Variants in LGSN observed in about 807,000 individuals in gnomAD.
The protein encoded by LGSN is lengsin.
In LGSN, 21 loss-of-function variants were observed where a neutral mutation model predicts 19.5. That is an observed-to-expected ratio of 1.07 (90% CI 0.76 to 1.55). The LOEUF (loss-of-function observed/expected upper bound fraction) is 1.55, where lower values mean the gene tolerates loss of function less well. Ranked by LOEUF, LGSN falls within the 40% of genes most tolerant of loss-of-function variation. LGSN has a pLI of 0.00. For synonymous variants in LGSN, 257 were observed against 215.6 expected, an observed-to-expected ratio of 1.19 and a Z score of -1.68; for missense variants, 673 against 608.5, an observed-to-expected ratio of 1.11 and a Z score of -1.12.
At chr6:63,572,498 G>A in the LGSN span, 3 of 390,284 alleles carry the variant, frequency 7.7e-6, no homozygotes, top group Non-Finnish European at 1.4e-5. Context: ...GCGTGTATTG[G>A]CTCCTTCGGC....
At chr6:63,346,694 A>G in the LGSN span, among the ~76,000 whole-genome samples, 1 of 151,978 alleles carries the variant, frequency 6.6e-6, no homozygotes, top group Non-Finnish European at 1.5e-5. Context: ...AGTGGGGGCA[A>G]TCCTGTGAGA....
chr6:63,319,836 A>G (rs1433924906), intron 1 of LGSN, 78 bp downstream of exon 1: 4 of 992,090 alleles, frequency 4.0e-6, no homozygotes, highest in Non-Finnish European at 6.4e-6. Flanking sequence ...TCTTACTGGC[A>G]TTCAAATAAT....
the LGSN span, among the ~76,000 whole-genome samples, chr6:63,338,084 C>T: frequency 6.6e-6 from 1 of 152,020 alleles, no homozygotes; most frequent in Admixed American, 6.6e-5. Flanking sequence ...CAAGGTTTCA[C>T]CATCTTGGCC....
the LGSN span, among the ~76,000 whole-genome samples, chr6:63,504,123 C>T: frequency 6.6e-6 from 1 of 152,000 alleles, no homozygotes; most frequent in Non-Finnish European, 1.5e-5. Flanking sequence ...CTATTTTCAA[C>T]CCATATTTAA....
the LGSN span, among the ~76,000 whole-genome samples, chr6:63,332,310 C>T: frequency 9.2e-5 from 14 of 152,120 alleles, no homozygotes; most frequent in Non-Finnish European, 1.6e-4. Flanking sequence ...CAGGTCTAAC[C>T]TCAGAGAAGA....
the LGSN span, among the ~76,000 whole-genome samples, chr6:63,519,085 C>T: frequency 1.3e-5 from 2 of 152,064 alleles, no homozygotes; most frequent in Non-Finnish European, 2.9e-5. Flanking sequence ...GAGGCCAAGG[C>T]GGGCAGATCG....
the LGSN span, among the ~76,000 whole-genome samples, chr6:63,430,648 A>C: frequency 6.6e-6 from 1 of 152,140 alleles, no homozygotes; most frequent in Admixed American, 6.6e-5. Context: ...ACGGCCTCTG[A>C]AAGTGTTGGG....
chr6:63,437,272 C>T, the LGSN span, among the ~76,000 whole-genome samples: 9 of 149,826 alleles, frequency 6.0e-5, no homozygotes, highest in South Asian at 4.2e-4. Flanking sequence ...TTTTTTTTTT[C>T]GCCAAATTGT....
intron 1 of LGSN, among the ~76,000 whole-genome samples, chr6:63,305,384 A>G (rs371297124): frequency 2.0e-5 from 3 of 152,158 alleles, no homozygotes; most frequent in East Asian, 3.9e-4. Context: ...CAACCTCTCA[A>G]TCTTAAGAGG....
At chr6:63,459,194 T>C in the LGSN span, among the ~76,000 whole-genome samples, 1 of 152,192 alleles carries the variant, frequency 6.6e-6, no homozygotes, top group Non-Finnish European at 1.5e-5. Context: ...AAGTCAGAAA[T>C]CAGGGTTTGA....
chr6:63,360,020 G>T, the LGSN span, among the ~76,000 whole-genome samples: 1 of 152,312 alleles, frequency 6.6e-6, no homozygotes, highest in Non-Finnish European at 1.5e-5. Flanking sequence ...TAGAGTTTCT[G>T]CCAAGAGATC....
the LGSN span, chr6:63,441,292 C>T: frequency 1.6e-5 from 7 of 449,708 alleles, no homozygotes; most frequent in East Asian, 5.7e-5. Flanking sequence ...AAGAACAAGC[C>T]GCAGCACCCA....
chr6:63,383,082 A>G, the LGSN span, among the ~76,000 whole-genome samples: 3 of 152,184 alleles, frequency 2.0e-5, no homozygotes, highest in Non-Finnish European at 2.9e-5. Flanking sequence ...GTTAAGAAGG[A>G]AAGCCTTAAG....
At chr6:63,385,474 C>T in the LGSN span, among the ~76,000 whole-genome samples, 1 of 152,158 alleles carries the variant, frequency 6.6e-6, no homozygotes, top group Non-Finnish European at 1.5e-5. Flanking sequence ...CCAAAATCAT[C>T]CTATTGATAC....
intron 1 of LGSN, among the ~76,000 whole-genome samples, chr6:63,313,294 T>A (rs71570638): frequency 0.046 from 7,070 of 152,088 alleles, 248 homozygotes; most frequent in Non-Finnish European, 0.066. Context: ...ACTGGAGGCC[T>A]TGGTAAGGAC....
the LGSN span, among the ~76,000 whole-genome samples, chr6:63,559,638 A>G: frequency 1.3e-5 from 2 of 151,938 alleles, no homozygotes; most frequent in African/African-American, 4.8e-5. Flanking sequence ...CCAGCTACTC[A>G]GGAGGCTGAG....
chr6:63,473,485 A>G, the LGSN span, among the ~76,000 whole-genome samples: 1 of 151,276 alleles, frequency 6.6e-6, no homozygotes, highest in Middle Eastern at 3.4e-3. Context: ...AAAAAAAAAA[A>G]AAAAAAAAAA....
At chr6:63,393,455 A>G in the LGSN span, among the ~76,000 whole-genome samples, 1 of 151,910 alleles carries the variant, frequency 6.6e-6, no homozygotes, top group African/African-American at 2.4e-5. Flanking sequence ...CTAGGATTAC[A>G]GGCGTGAGCC....
the LGSN span, among the ~76,000 whole-genome samples, chr6:63,569,226 G>A: frequency 1.3e-5 from 2 of 152,080 alleles, no homozygotes; most frequent in African/African-American, 2.4e-5. Flanking sequence ...CTTGCCTTCT[G>A]CAGTCTTTCC....
Sources: allele counts gnomAD v4.1 joint callset (sites outside exome capture counted in the v4.1 genomes callset), GRCh38; gene constraint gnomAD v4.1.1; transcripts MANE v1.5; gene names NCBI Gene and HGNC (gene_info 2026-07-23, HGNC 2026-07-21).